Variants in ROR2 observed in about 807,000 individuals in gnomAD.
ROR2 encodes ROR family WNT receptor 2.
ROR2 carries 33 observed loss-of-function variants against 74.9 expected under a neutral mutation model. The ratio of observed to expected loss-of-function variants is 0.44; its 90% CI spans 0.33 to 0.59. The LOEUF (loss-of-function observed/expected upper bound fraction) is 0.59, where lower values mean the gene tolerates loss of function less well. Among genes scored for constraint, ROR2 ranks in the 20% least tolerant of loss-of-function variants. The pLI, the probability that ROR2 is intolerant of heterozygous loss-of-function variation, is 0.02. For synonymous variants in ROR2, 586 were observed against 558.7 expected (o/e 1.05, Z -0.69); for missense variants, 1,216 against 1,313.8 (o/e 0.93, Z 1.15).
In ROR2 at chr9:91,778,452, T is replaced by C. The variant is rs1223630930; in HGVS notation, c.98-2634A>G. On this transcript the variant is annotated intron_variant, in intron 1 of 8. Coordinates refer to ENST00000375708, the MANE Select transcript of ROR2 (RefSeq NM_004560.4). ...CATAAAGGCCTTTTCGGTTTTCACC[T>C]GGTGCAGGCACCCTTGCACCCCAGC... Among the ~76,000 whole-genome samples the C allele has an allele frequency of 7.2e-5, 11 of 152,208 alleles. No individual in the cohort carries two copies. In the East Asian group the frequency reaches 2.1e-3, roughly 29 times the overall value.
chr9:91,756,177 T>C, intron 3 of ROR2, 76 bp from the exon 4 acceptor site: 3 of 1,483,708 alleles, frequency 2.0e-6, no homozygotes, highest in Non-Finnish European at 1.9e-6. Context: ...ATCAGGCCAG[T>C]GGCAAACAGG....
chr9:91,878,833 T>G (rs1003971488), intron 1 of ROR2, among the ~76,000 whole-genome samples: 22 of 152,016 alleles, frequency 1.4e-4, no homozygotes, highest in African/African-American at 5.1e-4. Flanking sequence ...ATCCCAGCAC[T>G]TTGGGAGGCC....
chr9:91,893,498 C>A (rs1830472334), intron 1 of ROR2, among the ~76,000 whole-genome samples: 1 of 152,138 alleles, frequency 6.6e-6, no homozygotes, highest in Non-Finnish European at 1.5e-5. Context: ...CTTCCCCACA[C>A]CCCTCCACTG....
At position 91,767,309 on chromosome 9, in the gene ROR2, G is replaced by A. The variant is rs549822532; in HGVS notation, c.175+8432C>T. 3.3e-3 allele frequency among the ~76,000 whole-genome samples: 509 copies of A among 152,094 alleles called. 2 individuals carry two copies. The highest frequency in any genetic ancestry group is 6.1e-3 in the Non-Finnish European group (412 of 67,966). ...ATGATGGTCTTGATCTCCTGACCTC[G>A]TGATCCACCCGCCTCAGCCTCCCAA... On this transcript the variant is annotated intron_variant, in intron 2 of 8. Coordinates refer to ENST00000375708, the MANE Select transcript of ROR2 (RefSeq NM_004560.4).
intron 1 of ROR2, among the ~76,000 whole-genome samples, chr9:91,806,544 C>G (rs1827552642): frequency 6.6e-6 from 1 of 152,178 alleles, no homozygotes; most frequent in Non-Finnish European, 1.5e-5. Context: ...GAGAGGAAAA[C>G]AGCAAGTTCT....
At chr9:91,753,641 G>A (rs1262951529) in intron 4 of ROR2, among the ~76,000 whole-genome samples, 1 of 152,148 alleles carries the variant, frequency 6.6e-6, no homozygotes, top group African/African-American at 2.4e-5. Flanking sequence ...GAGTGGCTGG[G>A]ATGAGGCTTC....
Position 91,933,386 on chromosome 9 carries a change from A to T in ROR2, c.97+16481T>A, listed in dbSNP as rs188562698. Among the ~76,000 whole-genome samples, 12 of 152,328 alleles carry T rather than the reference A, an allele frequency of 7.9e-5. No individual in the cohort carries two copies. In the East Asian group the frequency reaches 1.2e-3, roughly 15 times the overall value. ...ACAGATACTCACAGAGTTAAAAAAA[A>T]AAATATGTTTACAGATGTTCACTAC... On this transcript the variant is annotated intron_variant, in intron 1 of 8. Transcript: ENST00000375708.
chr9:91,806,751 G>A (rs1174127704), intron 1 of ROR2, among the ~76,000 whole-genome samples: 15 of 151,998 alleles, frequency 9.9e-5, no homozygotes, highest in Non-Finnish European at 8.8e-5. Flanking sequence ...CACCACACCC[G>A]GCTAATTTTT....
chr9:91,745,494 T>G (rs1825384305), intron 4 of ROR2, among the ~76,000 whole-genome samples: 3 of 139,758 alleles, frequency 2.1e-5, no homozygotes, highest in Non-Finnish European at 3.0e-5. Flanking sequence ...AATGGCGCGC[T>G]CTCAGCTCAC....
At position 91,740,175 on chromosome 9, in the gene ROR2, G is replaced by A. The variant is rs576535194; in HGVS notation, c.495-2657C>T. ...GCAAGGGATGTAAGGAAGATGACAA[G>A]GGGGTGCTGGGGTGGAGGGTGCTCC... On this transcript the variant is annotated intron_variant, in intron 4 of 8. Coordinates refer to ENST00000375708, the MANE Select transcript of ROR2 (RefSeq NM_004560.4). Among the ~76,000 whole-genome samples, 11 of 152,252 alleles carry A rather than the reference G, an allele frequency of 7.2e-5. 1 individual carries two copies. In the South Asian group the frequency reaches 2.3e-3, roughly 32 times the overall value.
intron 1 of ROR2, among the ~76,000 whole-genome samples, chr9:91,851,117 C>T (rs1169461893): frequency 3.9e-5 from 6 of 152,154 alleles, no homozygotes; most frequent in African/African-American, 1.4e-4. Flanking sequence ...CTTTGGGAGG[C>T]CGAGGCAGAT....
chr9:91,852,634 CA>C (rs1829135788), intron 1 of ROR2, among the ~76,000 whole-genome samples: 1 of 151,264 alleles, frequency 6.6e-6, no homozygotes, highest in East Asian at 1.9e-4. Flanking sequence ...AACACACACA[CA>C]CACACACACA....
At chr9:91,864,948 C>A (rs11790345) in intron 1 of ROR2, among the ~76,000 whole-genome samples, 10,836 of 152,178 alleles carry the variant, frequency 0.071, 452 homozygotes, top group Middle Eastern at 0.13. Flanking sequence ...CTTTAGCGGA[C>A]GGGCTTCTTC....
Position 91,737,287 on chromosome 9 carries a change from C to CCACT in ROR2, c.622+100_622+103dup. On this transcript the variant is annotated intron_variant, in intron 5 of 8. Coordinates refer to ENST00000375708, the MANE Select transcript of ROR2 (RefSeq NM_004560.4). The stretch of plus-strand genomic sequence containing the variant: ...ACCACAAATGAAATGGAAGAGGCAC[C>CCACT]CACTGACCATGCCATTAACTGATGA... 3 of 1,432,378 alleles carry CCACT rather than the reference C, an allele frequency of 2.1e-6. No individual in the cohort carries two copies. In the South Asian group the frequency reaches 3.4e-5, roughly 16 times the overall value. The allele number at this position is 1,432,378 out of a possible 1,614,324, so 88.7% of individuals were successfully genotyped here.
intron 2 of ROR2, among the ~76,000 whole-genome samples, chr9:91,774,989 C>T (rs1274709849): frequency 6.6e-6 from 1 of 152,218 alleles, no homozygotes; most frequent in East Asian, 1.9e-4. Context: ...ATCAAACAGA[C>T]CTCTGTCTCT....
chr9:91,801,267 T>C (rs1233967613), intron 1 of ROR2, among the ~76,000 whole-genome samples: 1 of 152,220 alleles, frequency 6.6e-6, no homozygotes, highest in Non-Finnish European at 1.5e-5. Flanking sequence ...TTGCTTTGAG[T>C]CTTCATTCTT....
At chr9:91,846,727 T>G (rs985102213) in intron 1 of ROR2, among the ~76,000 whole-genome samples, 23 of 152,064 alleles carry the variant, frequency 1.5e-4, no homozygotes, top group Admixed American at 1.3e-4. Context: ...CCCTCTGCGG[T>G]GGTCCCTGAA....
At chr9:91,891,479 G>A (rs1830419038) in intron 1 of ROR2, among the ~76,000 whole-genome samples, 1 of 152,148 alleles carries the variant, frequency 6.6e-6, no homozygotes, top group Non-Finnish European at 1.5e-5. Context: ...ATGTTGGCCA[G>A]GGTGGTCTCA....
chr9:91,908,873 T>A (rs763695764), intron 1 of ROR2, among the ~76,000 whole-genome samples: 23 of 151,606 alleles, frequency 1.5e-4, no homozygotes, highest in Non-Finnish European at 2.2e-4. Context: ...TGAAAACCCA[T>A]AAAACTGACA....
Sources: allele counts gnomAD v4.1 joint callset (sites outside exome capture counted in the v4.1 genomes callset), GRCh38; gene constraint gnomAD v4.1.1; transcripts MANE v1.5; gene names NCBI Gene and HGNC (gene_info 2026-07-23, HGNC 2026-07-21).